SF3B2: variants seen among roughly 807,000 people sequenced by gnomAD.
SF3B2 encodes the protein splicing factor 3b subunit 2.
SF3B2 carries 22 observed loss-of-function variants against 116.3 expected under a neutral mutation model. The ratio of observed to expected loss-of-function variants is 0.19; its 90% CI spans 0.14 to 0.27. SF3B2 has a LOEUF of 0.27. Ranked by LOEUF, SF3B2 falls within the 10% of genes least tolerant of loss-of-function variation. The pLI is 1.00. For missense variants in SF3B2, 767 were observed against 1,151.4 expected (o/e 0.67, Z 4.83); for synonymous variants, 406 against 421.6 (o/e 0.96, Z 0.45).
intron 3 of SF3B2, among the ~76,000 whole-genome samples, chr11:66,054,572 A>C (rs1856959009): frequency 6.6e-6 from 1 of 151,872 alleles, no homozygotes. Context: ...TGCCCCAGGC[A>C]CAGTTCCCAT....
At chr11:66,068,556 T>G in intron 21 of SF3B2, 118 bp from the exon 22 acceptor site, 1 of 950,920 alleles carries the variant, frequency 1.1e-6, no homozygotes, top group Non-Finnish European at 1.6e-6. Context: ...TCGAAGAGAA[T>G]TCAGATTCAG....
intron 16 of SF3B2, 95 bp downstream of exon 16, chr11:66,062,093 CTTTA>C (rs1297345780): frequency 1.4e-5 from 11 of 800,554 alleles, no homozygotes; most frequent in Non-Finnish European, 1.8e-5. Flanking sequence ...CCATGTGTCT[CTTTA>C]TTTACTTAAA....
Position 66,063,459 on chromosome 11 carries a change from TGAA to T in SF3B2, c.2149_2151del (p.Glu717del). On this transcript the variant is annotated inframe_deletion, in exon 18 of 22. Coordinates refer to ENST00000322535, the MANE Select transcript of SF3B2 (RefSeq NM_006842.3). ...CTTGGGGGGAACTGGAACCATCTGA[TGAA>T]GAATCCTCAGAAGAAGAGGAAGAGG... is the stretch of plus-strand genomic sequence containing the variant. 1 of 1,613,866 alleles carries T rather than the reference TGAA, an allele frequency of 6.2e-7. No individual in the cohort carries two copies. The highest frequency in any genetic ancestry group is 8.5e-7 in the Non-Finnish European group (1 of 1,179,788).
intron 2 of SF3B2, 59 bp downstream of exon 2, chr11:66,052,778 C>T: frequency 2.7e-6 from 4 of 1,498,306 alleles, no homozygotes; most frequent in East Asian, 2.3e-5. Flanking sequence ...ACCTTATATA[C>T]CCCATCACGG....
chr11:66,063,210 T>C (rs1400704982), intron 17 of SF3B2, 94 bp downstream of exon 17: 3 of 1,096,606 alleles, frequency 2.7e-6, no homozygotes, highest in Non-Finnish European at 4.0e-6. Flanking sequence ...TTGTGTGTTC[T>C]GACACAGCAG....
chr11:66,063,587 G>T (rs1370149381), intron 18 of SF3B2, 41 bp from the exon 19 acceptor site: 2 of 1,610,552 alleles, frequency 1.2e-6, no homozygotes, highest in South Asian at 1.1e-5. Context: ...CTATCTTTGG[G>T]GTCCTTCTCT....
rs1857243801 is a variant in SF3B2 at position 66,069,045 on chromosome 11, G to A, written c.*300G>A. The stretch of plus-strand genomic sequence containing the variant: ...GACGGCGCATTTGACTGGTGGTGAC[G>A]CCAACCCCAGGCTGAAATCTGTGTT... On this transcript the variant is annotated 3_prime_UTR_variant, in exon 22 of 22. Transcript: ENST00000322535. The A allele has an allele frequency of 5.1e-5, 21 of 412,012 alleles. No individual in the cohort carries two copies. Among genetic ancestry groups the A allele is most frequent in the Middle Eastern group, 7.1e-4 (1 of 1,414 alleles). The allele number at this position is 412,012 out of a possible 1,614,324, so 25.5% of individuals were successfully genotyped here.
chr11:66,069,050 C>T lies in SF3B2; in HGVS notation c.*305C>T, dbSNP rs902416806. On this transcript the variant is annotated 3_prime_UTR_variant, in exon 22 of 22. Transcript: ENST00000322535. ...CGCATTTGACTGGTGGTGACGCCAA[C>T]CCCAGGCTGAAATCTGTGTTTCACC... The T allele has an allele frequency of 4.9e-6, 2 of 407,808 alleles. No individual in the cohort carries two copies. The highest frequency in any genetic ancestry group is 2.4e-5 in the South Asian group (1 of 41,116). 25.3% of individuals were successfully genotyped at this position (407,808 alleles called of 1,614,324 possible).
intron 9 of SF3B2, 76 bp downstream of exon 9, chr11:66,058,481 G>A (rs1342837582): frequency 4.5e-6 from 5 of 1,102,550 alleles, no homozygotes; most frequent in Non-Finnish European, 5.5e-6. Flanking sequence ...ATTTGTAAGT[G>A]TTCAGTAAGT....
chr11:66,067,337 C>T, intron 19 of SF3B2: 1 of 448,968 alleles, frequency 2.2e-6, no homozygotes, highest in South Asian at 1.6e-5. Flanking sequence ...GGGTTTTGAG[C>T]AAAGGTCTGA....
At chr11:66,063,567 T>C (rs1358618199) in intron 18 of SF3B2, 25 bp downstream of exon 18, 1 of 1,611,518 alleles carries the variant, frequency 6.2e-7, no homozygotes, top group Non-Finnish European at 8.5e-7. Flanking sequence ...GAATGCCTCT[T>C]GGAAGTGGGC....
In SF3B2 at chr11:66,058,835, C is replaced by T; in HGVS notation, c.972C>T (p.Asn324=). 2.5e-6 allele frequency: 4 copies of T among 1,608,490 alleles called. No homozygotes were observed. The highest frequency in any genetic ancestry group is 3.4e-6 in the Non-Finnish European group (4 of 1,178,230). The change falls in exon 10 of 22, where the codon AAC becomes AAT. Residue 324 remains asparagine, a synonymous_variant. Coordinates refer to ENST00000322535, the MANE Select transcript of SF3B2 (RefSeq NM_006842.3). ...GGTTTTCCTCCTCTTGACAGAAAAA[C>T]CGGAAGCGTAGGAACCGAAAGAAGA... ...DTVSVSKKEK[N]RKRRNRKKKK...
At chr11:66,067,234 T>A (rs1857203986) in intron 19 of SF3B2, 3 of 359,596 alleles carry the variant, frequency 8.3e-6, no homozygotes, top group Admixed American at 3.7e-5. Context: ...CAGAGTATAG[T>A]GAGGAGGGCT....
chr11:66,068,371 A>G, intron 21 of SF3B2, 38 bp downstream of exon 21: 2 of 1,514,908 alleles, frequency 1.3e-6, no homozygotes, highest in Non-Finnish European at 1.8e-6. Context: ...GGTGAGAGCC[A>G]GGGACCCTGG....
chr11:66,064,870 G>C (rs1857155058), intron 19 of SF3B2: 3 of 152,066 alleles, frequency 2.0e-5, no homozygotes, highest in African/African-American at 7.2e-5. Context: ...TTTTGAATTT[G>C]TTCTGCTTGA....
In SF3B2 at chr11:66,059,641, AC is replaced by A; in HGVS notation, c.1401+48del. Reference sequence around the variant, plus strand: ...GCAGGCCCTGGAGCCCAGCTGGGAGACCACCTGGGGAGCCAGGGAGGTGAAA... The same window carrying A: ...GCAGGCCCTGGAGCCCAGCTGGGAGACACCTGGGGAGCCAGGGAGGTGAAA... On this transcript the variant is annotated intron_variant, in intron 12 of 21. Coordinates refer to ENST00000322535, the MANE Select transcript of SF3B2 (RefSeq NM_006842.3). This position sits in a 1 kb window ranked among gnomAD's most constrained non-coding sequence, Gnocchi z 5.0. The A allele has an allele frequency of 6.3e-7, 1 of 1,593,954 alleles. No individual in the cohort carries two copies. The highest frequency in any genetic ancestry group is 8.6e-7 in the Non-Finnish European group (1 of 1,161,766).
chr11:66,068,148 G>T lies in SF3B2; in HGVS notation c.2431G>T (p.Val811Phe). 1 of 1,614,006 alleles carries T rather than the reference G, an allele frequency of 6.2e-7. No homozygotes were observed. The highest frequency in any genetic ancestry group is 8.5e-7 in the Non-Finnish European group (1 of 1,179,996). ...GACCAGGCCCTGATCTCCTTTCCAGGTTATGAGCCGGAAGGGCCCGGCTCC... is the reference window on the plus strand; with the variant it reads ...GACCAGGCCCTGATCTCCTTTCCAGTTTATGAGCCGGAAGGGCCCGGCTCC... ...GSTHIYDMST[V>F]MSRKGPAPEL... Residue 811 changes from valine (V) to phenylalanine (F), a missense_variant and splice_region_variant, in exon 21 of 22, where the codon GTT becomes TTT. Coordinates refer to ENST00000322535, the MANE Select transcript of SF3B2 (RefSeq NM_006842.3).
At chr11:66,061,154 A>C (rs535752) in intron 14 of SF3B2, among the ~76,000 whole-genome samples, 50,640 of 151,904 alleles carry the variant, frequency 0.33, 8,892 homozygotes, top group East Asian at 0.53. Flanking sequence ...CCCATCGACT[A>C]CCCTCGGATG....
chr11:66,054,244 G>A (rs962641605), intron 3 of SF3B2, among the ~76,000 whole-genome samples: 43 of 151,806 alleles, frequency 2.8e-4, no homozygotes, highest in African/African-American at 8.9e-4. Context: ...TTGGGAGGCT[G>A]AGGTGGGCGA....
Sources: gnomAD v4.1 joint callset for allele counts (sites outside exome capture counted in the v4.1 genomes callset) on GRCh38, gnomAD v4.1.1 for gene constraint, Gnocchi (gnomAD v3.1) non-coding constraint, MANE v1.5 for transcripts, NCBI Gene and HGNC (gene_info 2026-07-23, HGNC 2026-07-21) for gene names.